ADAM20: variants seen among roughly 807,000 people sequenced by gnomAD.
ADAM20 encodes the protein ADAM metallopeptidase domain 20.
For missense variants in ADAM20, 871 were observed against 883.2 expected, an observed-to-expected ratio of 0.99 and a Z score of 0.18; for synonymous variants, 305 against 310.2, an observed-to-expected ratio of 0.98 and a Z score of 0.18.
the ADAM20 span, among the ~76,000 whole-genome samples, chr14:70,575,957 T>C: frequency 6.6e-6 from 1 of 152,200 alleles, no homozygotes; most frequent in Non-Finnish European, 1.5e-5. Context: ...TTCAAAAATA[T>C]TTAAAACTAC....
chr14:70,576,202 A>G, the ADAM20 span, among the ~76,000 whole-genome samples: 1 of 152,156 alleles, frequency 6.6e-6, no homozygotes, highest in Non-Finnish European at 1.5e-5. Context: ...TTCTTTGAAG[A>G]TAAGAAAAAA....
chr14:70,536,480 A>C (rs1455289075), upstream of ADAM20, among the ~76,000 whole-genome samples: 1 of 136,340 alleles, frequency 7.3e-6, no homozygotes, highest in Non-Finnish European at 1.7e-5. Context: ...AAAAAAAAAA[A>C]AAAAAAAAAA....
At chr14:70,573,292 C>T in the ADAM20 span, among the ~76,000 whole-genome samples, 1 of 152,230 alleles carries the variant, frequency 6.6e-6, no homozygotes, top group East Asian at 1.9e-4. Flanking sequence ...AACATGAATG[C>T]AGCTGGAGGC....
chr14:70,570,618 C>T, the ADAM20 span, among the ~76,000 whole-genome samples: 3 of 151,884 alleles, frequency 2.0e-5, no homozygotes, highest in South Asian at 2.1e-4. Context: ...ATAATTAAAT[C>T]GGTAATAAAA....
At chr14:70,567,810 A>C in the ADAM20 span, among the ~76,000 whole-genome samples, 4 of 152,134 alleles carry the variant, frequency 2.6e-5, no homozygotes, top group African/African-American at 9.7e-5. Flanking sequence ...AGGAACCAAA[A>C]GTATTTATGA....
At chr14:70,553,719 G>A in the ADAM20 span, among the ~76,000 whole-genome samples, 9 of 150,590 alleles carry the variant, frequency 6.0e-5, no homozygotes, top group African/African-American at 2.0e-4. Context: ...ATGCTGAAAA[G>A]GCATTTCATG....
the ADAM20 span, among the ~76,000 whole-genome samples, chr14:70,575,463 T>A: frequency 6.6e-6 from 1 of 151,934 alleles, no homozygotes; most frequent in South Asian, 2.1e-4. Flanking sequence ...AGTGAATAGA[T>A]CCCACGTTAA....
At chr14:70,557,882 T>G in the ADAM20 span, among the ~76,000 whole-genome samples, 1 of 152,170 alleles carries the variant, frequency 6.6e-6, no homozygotes, top group Non-Finnish European at 1.5e-5. Context: ...TAAGAAGATA[T>G]GATCAAAGGC....
chr14:70,533,298 C>A (rs991784480), intron 1 of ADAM20, among the ~76,000 whole-genome samples: 1 of 152,152 alleles, frequency 6.6e-6, no homozygotes, highest in Non-Finnish European at 1.5e-5. Context: ...GACACATGCA[C>A]ACGTATGTTT....
At chr14:70,532,312 C>A (rs745813986) in intron 1 of ADAM20, among the ~76,000 whole-genome samples, 9 of 151,842 alleles carry the variant, frequency 5.9e-5, no homozygotes, top group Non-Finnish European at 1.0e-4. Context: ...TTATACAACA[C>A]AAAAATCGCT....
chr14:70,570,776 C>T, the ADAM20 span, among the ~76,000 whole-genome samples: 13 of 152,118 alleles, frequency 8.5e-5, no homozygotes, highest in South Asian at 2.5e-3. Context: ...ACTAGCATCA[C>T]CCTGGTATCA....
At chr14:70,542,064 T>TTGATGTTTTGTTTAAAATATTGC in the ADAM20 span, among the ~76,000 whole-genome samples, 1 of 152,064 alleles carries the variant, frequency 6.6e-6, no homozygotes, top group African/African-American at 2.4e-5. Flanking sequence ...AGTGATCTTT[T>TTGATGTTTTGTTTAAAATATTGC]TGATGTTTTG....
rs748114890 is a variant in ADAM20, at chr14:70,524,868, T to C, written c.-111A>G. On this transcript the variant is annotated 5_prime_UTR_variant, in exon 2 of 2. Coordinates refer to ENST00000256389, the MANE Select transcript of ADAM20 (RefSeq NM_003814.5). ...CTGTTCAGGGTGCATGGCTGACCTTTAGGGATCTGGGGATCTGTGTCCTGG... is the reference window on the plus strand; with the variant it reads ...CTGTTCAGGGTGCATGGCTGACCTTCAGGGATCTGGGGATCTGTGTCCTGG... 4 of 1,612,596 alleles carry C rather than the reference T, an allele frequency of 2.5e-6. No homozygotes were observed. The Admixed American group carries it at 6.7e-5, about 27-fold the overall frequency.
At chr14:70,566,247 TAACA>T in the ADAM20 span, among the ~76,000 whole-genome samples, 1 of 152,202 alleles carries the variant, frequency 6.6e-6, no homozygotes, top group African/African-American at 2.4e-5. Context: ...CTAAGAACTA[TAACA>T]ATTAATGGAT....
chr14:70,566,523 A>C, the ADAM20 span, among the ~76,000 whole-genome samples: 1 of 152,230 alleles, frequency 6.6e-6, no homozygotes, highest in Admixed American at 6.5e-5. Context: ...AAGAAAGAAA[A>C]GAACTACAGA....
At chr14:70,566,868 G>A in the ADAM20 span, among the ~76,000 whole-genome samples, 1 of 152,096 alleles carries the variant, frequency 6.6e-6, no homozygotes, top group Non-Finnish European at 1.5e-5. Context: ...TATAATCCCA[G>A]CTACTCAAGA....
chr14:70,576,960 G>C, the ADAM20 span, among the ~76,000 whole-genome samples: 4 of 152,176 alleles, frequency 2.6e-5, no homozygotes, highest in Non-Finnish European at 5.9e-5. Context: ...TGTTCCCTGA[G>C]CTGGGCTGTG....
Position 70,523,525 on chromosome 14 carries a change from C to T in ADAM20, c.1233G>A (p.Gly411=). ...CCTCCCCTTCTTCAACCACTAGATT[C>T]CCACAGTACTTCAGTCTAAATATAT... The part of the protein sequence containing the change: ...PGNIFRLKYC[G]NLVVEEGEEC... The change falls in exon 2 of 2, where the codon GGG becomes GGA. Residue 411 remains glycine, a synonymous_variant. Transcript: ENST00000256389. 6.2e-7 allele frequency: 1 copy of T among 1,614,088 alleles called. No individual in the cohort carries two copies. Among genetic ancestry groups the T allele is most frequent in the Non-Finnish European group, 8.5e-7 (1 of 1,179,982 alleles).
chr14:70,569,474 A>G, the ADAM20 span, among the ~76,000 whole-genome samples: 2 of 152,180 alleles, frequency 1.3e-5, no homozygotes, highest in Non-Finnish European at 2.9e-5. Flanking sequence ...AAAGACACAG[A>G]GTGGCAAATT....
Sources: gnomAD v4.1 joint callset for allele counts (sites outside exome capture counted in the v4.1 genomes callset) on GRCh38, gnomAD v4.1.1 for gene constraint, MANE v1.5 for transcripts, NCBI Gene and HGNC (gene_info 2026-07-23, HGNC 2026-07-21) for gene names.